Variants in DIAPH2 observed in about 807,000 individuals in gnomAD.
DIAPH2 encodes the protein protein diaphanous homolog 2.
Under a neutral mutation model 92.7 loss-of-function variants are expected in DIAPH2, and 35 were observed. That is an observed-to-expected ratio of 0.38 (90% CI 0.29 to 0.50). DIAPH2 has a LOEUF of 0.50. Ranked by LOEUF, DIAPH2 falls within the 20% of genes least tolerant of loss-of-function variation. The pLI is 0.94. For missense variants in DIAPH2, 701 were observed against 819.5 expected (o/e 0.86, Z 1.77); for synonymous variants, 301 against 280.4 (o/e 1.07, Z -0.73).
chrX:96,830,598 T>C (rs1038920139), intron 4 of DIAPH2, among the ~76,000 whole-genome samples: 1 of 51,057 alleles, frequency 2.0e-5, no homozygotes, highest in Non-Finnish European at 4.0e-5. Flanking sequence ...AAAAAAAAAA[T>C]GAGCAAATGA....
In DIAPH2 at chrX:97,396,610, T is replaced by C. The variant is rs755756167; in HGVS notation, c.3145+12566T>C. On this transcript the variant is annotated intron_variant, in intron 25 of 26. Transcript: ENST00000324765. The stretch of plus-strand genomic sequence containing the variant: ...TTGCTTGAACCCGGGTACTCCAGTC[T>C]GGGCGACAGAGTGAGACTCTGTCTA... Among the ~76,000 whole-genome samples, 5 of 111,289 alleles carry C rather than the reference T, an allele frequency of 4.5e-5. No homozygotes were observed. The East Asian group carries it at 1.1e-3, about 25-fold the overall frequency.
chrX:97,031,443 C>T (rs1004564870), intron 17 of DIAPH2, among the ~76,000 whole-genome samples: 9 of 110,982 alleles, frequency 8.1e-5, no homozygotes, highest in Non-Finnish European at 1.7e-4. Context: ...TACAGCCTAC[C>T]TCAATGCACA....
At chrX:96,755,568 A>C (rs2064222100) in intron 3 of DIAPH2, among the ~76,000 whole-genome samples, 1 of 110,390 alleles carries the variant, frequency 9.1e-6, no homozygotes, top group African/African-American at 3.3e-5. Context: ...GAGGAGAATC[A>C]CTTGAACTTG....
intron 22 of DIAPH2, among the ~76,000 whole-genome samples, chrX:97,182,452 A>T (rs2147466138): frequency 9.0e-6 from 1 of 111,341 alleles, no homozygotes; most frequent in South Asian, 3.9e-4. Context: ...TAGCAGAGGA[A>T]TTTTATCAAG....
intron 5 of DIAPH2, among the ~76,000 whole-genome samples, chrX:96,909,820 T>C (rs1012435815): frequency 3.6e-5 from 4 of 111,111 alleles, no homozygotes; most frequent in African/African-American, 9.8e-5. Flanking sequence ...AACTGCATCA[T>C]TTGAAACAGG....
chrX:97,227,424 T>G lies in DIAPH2; in HGVS notation c.2720-20291T>G, dbSNP rs377117771. ...GTGATTAAACCATTAGATAGTAATA[T>G]GTTTGTTCATTTCACCCAATATATA... On this transcript the variant is annotated intron_variant, in intron 22 of 26. Transcript: ENST00000324765. Among the ~76,000 whole-genome samples, 44 of 112,458 alleles carry G rather than the reference T, an allele frequency of 3.9e-4. No individual in the cohort carries two copies. In the East Asian group the frequency reaches 9.4e-3, roughly 24 times the overall value.
chrX:97,206,495 G>A (rs1033880401), intron 22 of DIAPH2, among the ~76,000 whole-genome samples: 7 of 111,487 alleles, frequency 6.3e-5, no homozygotes, highest in Non-Finnish European at 1.1e-4. Context: ...GTTTCATTTT[G>A]ATTGTGGAGG....
chrX:97,413,446 A>T (rs1032907315), intron 25 of DIAPH2, among the ~76,000 whole-genome samples: 1 of 111,534 alleles, frequency 9.0e-6, no homozygotes, highest in Non-Finnish European at 1.9e-5. Flanking sequence ...CACAGCCAAC[A>T]TCATACTGAA....
intron 26 of DIAPH2, among the ~76,000 whole-genome samples, chrX:97,577,774 A>G (rs2071407904): frequency 8.9e-6 from 1 of 112,036 alleles, no homozygotes; most frequent in South Asian, 3.7e-4. Context: ...TTAAAAACCC[A>G]GAAAATATGT....
chrX:96,837,618 AATTGGTAGAT>A (rs2064908062), intron 4 of DIAPH2, among the ~76,000 whole-genome samples: 1 of 111,310 alleles, frequency 9.0e-6, no homozygotes, highest in African/African-American at 3.3e-5. Context: ...CTGTGCCTAG[AATTGGTAGAT>A]ATTTAAAAGT....
chrX:97,334,945 C>T (rs1056804015), intron 23 of DIAPH2, among the ~76,000 whole-genome samples: 3 of 92,160 alleles, frequency 3.3e-5, no homozygotes, highest in African/African-American at 1.2e-4. Flanking sequence ...CGCACCACTG[C>T]ACTCCAGCCG....
At chrX:97,460,621 A>AG (rs1311111875) in intron 26 of DIAPH2, among the ~76,000 whole-genome samples, 1 of 111,951 alleles carries the variant, frequency 8.9e-6, no homozygotes, top group African/African-American at 3.2e-5. Context: ...AAAGGAAGGT[A>AG]GAATTGGAAG....
chrX:97,222,394 G>C (rs898642310), intron 22 of DIAPH2, among the ~76,000 whole-genome samples: 1 of 111,778 alleles, frequency 8.9e-6, no homozygotes, highest in African/African-American at 3.3e-5. Context: ...AGTAGAGACG[G>C]GGTTTCACCA....
chrX:97,084,443 A>T (rs2066768999), intron 19 of DIAPH2, among the ~76,000 whole-genome samples: 1 of 111,496 alleles, frequency 9.0e-6, no homozygotes, highest in South Asian at 3.8e-4. Context: ...ACAATTGAAT[A>T]GTCAGCCCTC....
chrX:97,404,553 A>G (rs1281013410), intron 25 of DIAPH2, among the ~76,000 whole-genome samples: 2 of 112,071 alleles, frequency 1.8e-5, no homozygotes, highest in African/African-American at 6.5e-5. Context: ...GATGCTCTTT[A>G]GTATTCAATA....
intron 25 of DIAPH2, among the ~76,000 whole-genome samples, chrX:97,394,743 T>C (rs1002299956): frequency 2.7e-5 from 3 of 112,149 alleles, no homozygotes; most frequent in Admixed American, 9.5e-5. Flanking sequence ...ATAAAAGATA[T>C]TGAGATGCAA....
chrX:97,575,520 C>T (rs149855849), intron 26 of DIAPH2, among the ~76,000 whole-genome samples: 1 of 112,297 alleles, frequency 8.9e-6, no homozygotes, highest in African/African-American at 3.2e-5. Flanking sequence ...TTCTGCTGTA[C>T]TGGAGCTTCA....
chrX:97,163,067 A>G (rs1361814466), intron 22 of DIAPH2, among the ~76,000 whole-genome samples: 2 of 111,437 alleles, frequency 1.8e-5, no homozygotes, highest in African/African-American at 3.3e-5. Flanking sequence ...GAAGTTTCAG[A>G]TGCTCTGGGT....
chrX:97,602,239 T>TAAC lies in DIAPH2; in HGVS notation c.*2924_*2926dup, dbSNP rs1171337079. 1 of 112,395 alleles carries TAAC rather than the reference T, an allele frequency of 8.9e-6. No individual in the cohort carries two copies. Among genetic ancestry groups the TAAC allele is most frequent in the Non-Finnish European group, 1.9e-5 (1 of 53,293 alleles). 9.3% of individuals were successfully genotyped at this position (112,395 alleles called of 1,213,427 possible). Reference sequence around the variant, plus strand: ...TGTGTAAAAGACATTCATCCCATCCTAACATTACCAAAAGTCTCAACCCAT... The same window carrying TAAC: ...TGTGTAAAAGACATTCATCCCATCCTAACAACATTACCAAAAGTCTCAACCCAT... On this transcript the variant is annotated 3_prime_UTR_variant, in exon 27 of 27. Transcript: ENST00000324765.
Sources: allele counts gnomAD v4.1 joint callset (sites outside exome capture counted in the v4.1 genomes callset), GRCh38; gene constraint gnomAD v4.1.1; transcripts MANE v1.5; gene names NCBI Gene and HGNC (gene_info 2026-07-23, HGNC 2026-07-21).